Variants in ZNF880 observed in about 807,000 individuals in gnomAD.
ZNF880 encodes the protein zinc finger protein LOC400713.
In ZNF880, 12 loss-of-function variants were observed where a neutral mutation model predicts 11.8. The ratio of observed to expected loss-of-function variants is 1.02; its 90% CI spans 0.65 to 1.65. ZNF880 has a LOEUF of 1.65. Among genes scored for constraint, ZNF880 ranks in the 40% most tolerant of loss-of-function variants. ZNF880 has a pLI of 0.00. For synonymous variants in ZNF880, 210 were observed against 232.4 expected (o/e 0.90, Z 0.88); for missense variants, 601 against 673.9 (o/e 0.89, Z 1.20).
intron 3 of ZNF880, among the ~76,000 whole-genome samples, chr19:52,383,533 C>T (rs1056467738): frequency 8.5e-5 from 13 of 152,166 alleles, no homozygotes; most frequent in African/African-American, 1.4e-4. Context: ...AATGACTATA[C>T]AGCTGCTCTA....
chr19:52,390,480 C>T (rs1485554420), downstream of ZNF880: 1 of 217,790 alleles, frequency 4.6e-6, no homozygotes, highest in Non-Finnish European at 1.0e-5. Flanking sequence ...GGGGACGTGA[C>T]TTCTATCTCA....
chr19:52,388,364 C>T (rs1986951763), downstream of ZNF880, among the ~76,000 whole-genome samples: 1 of 132,898 alleles, frequency 7.5e-6, no homozygotes, highest in African/African-American at 2.9e-5. Flanking sequence ...CTCATGGCAA[C>T]CTCTGCCTCC....
intron 1 of ZNF880, among the ~76,000 whole-genome samples, chr19:52,370,781 C>A (rs1454169345): frequency 1.3e-5 from 2 of 152,140 alleles, no homozygotes. Context: ...TGCTGAAATG[C>A]ACATTTGCAA....
chr19:52,371,722 GC>G (rs1224030688), intron 1 of ZNF880, among the ~76,000 whole-genome samples: 1 of 152,062 alleles, frequency 6.6e-6, no homozygotes, highest in Non-Finnish European at 1.5e-5. Context: ...GGGATCTGGC[GC>G]TTACTCTGCC....
intron 2 of ZNF880, 140 bp from the exon 3 acceptor site, chr19:52,374,159 A>G: frequency 1.6e-6 from 1 of 620,338 alleles, no homozygotes; most frequent in South Asian, 2.4e-5. Context: ...TTCGCCTCCC[A>G]GGTTCACGCT....
chr19:52,387,472 A>G (rs1986915148), downstream of ZNF880, among the ~76,000 whole-genome samples: 2 of 123,116 alleles, frequency 1.6e-5, no homozygotes, highest in South Asian at 5.0e-4. Context: ...TTTTTGAGAC[A>G]GTGTCTTGCT....
the ZNF880 span, chr19:52,396,469 G>A: frequency 6.6e-6 from 1 of 152,360 alleles, no homozygotes; most frequent in Non-Finnish European, 1.5e-5. Context: ...GGCCTGCCTG[G>A]AGCAGTGCCG....
At chr19:52,376,509 C>CTT (rs869288387) in intron 3 of ZNF880, among the ~76,000 whole-genome samples, 10,368 of 58,156 alleles carry the variant, frequency 0.18, 1,765 homozygotes, top group African/African-American at 0.31. Flanking sequence ...CCCCCCCCCC[C>CTT]TTTTTTTTTT....
chr19:52,383,985 A>C lies in ZNF880; in HGVS notation c.405A>C (p.Glu135Asp), dbSNP rs1175353228. The part of the protein sequence containing the change: ...ERNISGCKHV[E>D]KPINNSLVSP... ...ATATTTCTGGATGTAAACATGTCGA[A>C]AAACCTATCAACAATTCCTTAGTTT... The change falls in exon 4 of 4, where the codon GAA becomes GAC. Residue 135 changes from glutamate (E) to aspartate (D), a missense_variant. Physicochemically the swap from Glu to Asp is conservative, Grantham distance 45. Transcript: ENST00000422689. 1.3e-6 allele frequency: 2 copies of C among 1,532,108 alleles called. No homozygotes were observed. The highest frequency in any genetic ancestry group is 1.8e-6 in the Non-Finnish European group (2 of 1,137,430). The allele number at this position is 1,532,108 out of a possible 1,614,324, so 94.9% of individuals were successfully genotyped here.
At chr19:52,392,756 A>T in the ZNF880 span, 1 of 228,402 alleles carries the variant, frequency 4.4e-6, no homozygotes, top group South Asian at 8.6e-5. Context: ...AAAAATCCAG[A>T]TGGGAGGGAA....
At chr19:52,370,029 T>C in intron 1 of ZNF880, 52 bp downstream of exon 1, 1 of 1,550,880 alleles carries the variant, frequency 6.4e-7, no homozygotes, top group Non-Finnish European at 8.7e-7. Context: ...CCCCTCGCGC[T>C]TCTGTACCCG....
intron 1 of ZNF880, among the ~76,000 whole-genome samples, chr19:52,372,908 T>TC (rs1394126858): frequency 1.6e-4 from 8 of 51,128 alleles, no homozygotes; most frequent in Admixed American, 2.9e-4. Flanking sequence ...AGACTCCGTC[T>TC]CAAAAAAAAA....
At chr19:52,376,280 C>G (rs1250042657) in intron 3 of ZNF880, among the ~76,000 whole-genome samples, 1 of 152,066 alleles carries the variant, frequency 6.6e-6, no homozygotes, top group Non-Finnish European at 1.5e-5. Context: ...CCATTCCCAC[C>G]AGCAGTGTAA....
chr19:52,390,463 C>A, downstream of ZNF880: 2 of 263,908 alleles, frequency 7.6e-6, no homozygotes, highest in South Asian at 2.9e-5. Flanking sequence ...CTCCTGATAT[C>A]GAGTGTGGGG....
upstream of ZNF880, chr19:52,369,856 A>C: frequency 7.1e-7 from 1 of 1,401,526 alleles, no homozygotes; most frequent in Non-Finnish European, 9.9e-7. Flanking sequence ...AGCGAGGCGG[A>C]GGGAAGCGCA....
At chr19:52,379,172 T>C (rs1261727351) in intron 3 of ZNF880, among the ~76,000 whole-genome samples, 1 of 152,104 alleles carries the variant, frequency 6.6e-6, no homozygotes, top group East Asian at 1.9e-4. Context: ...TTTATATGTG[T>C]GGGGATGTTG....
In ZNF880 at chr19:52,385,563, A is replaced by ACAGG. The variant is rs371978669; in HGVS notation, c.*249_*250insCAGG. 45 of 449,722 alleles carry ACAGG rather than the reference A, an allele frequency of 1.0e-4. No homozygotes were observed. Among genetic ancestry groups the ACAGG allele is most frequent in the Non-Finnish European group, 1.5e-4 (38 of 253,324 alleles). 27.9% of individuals were successfully genotyped at this position (449,722 alleles called of 1,614,324 possible). A position where few individuals can be genotyped will look rare whatever the true frequency, so the allele number is the denominator to read the frequency against. ...ATGAAACCATACAGATGGATTATGT[A>ACAGG]TGCTGAGGCTATTATTCAAGGACCA... On this transcript the variant is annotated 3_prime_UTR_variant, in exon 4 of 4. Transcript: ENST00000422689.
At chr19:52,377,906 C>T (rs1194246059) in intron 3 of ZNF880, among the ~76,000 whole-genome samples, 1 of 152,114 alleles carries the variant, frequency 6.6e-6, no homozygotes, top group Non-Finnish European at 1.5e-5. Flanking sequence ...AGTGAAGTGG[C>T]ACAATCTCAG....
At chr19:52,390,385 C>T (rs561123417), downstream of ZNF880, 1 of 389,352 alleles carries the variant, frequency 2.6e-6, no homozygotes, top group South Asian at 1.8e-5. Context: ...GACCCTGCCC[C>T]TCTCCTGACT....
Sources: allele counts gnomAD v4.1 joint callset (sites outside exome capture counted in the v4.1 genomes callset), GRCh38; gene constraint gnomAD v4.1.1; transcripts MANE v1.5; gene names NCBI Gene and HGNC (gene_info 2026-07-23, HGNC 2026-07-21).